EPHA3: variants seen among roughly 807,000 people sequenced by gnomAD.
EPHA3 encodes the protein EPH receptor A3, also known as ephrin type-A receptor 3.
Under a neutral mutation model 107.1 loss-of-function variants are expected in EPHA3, and 42 were observed. That is an observed-to-expected ratio of 0.39 (90% CI 0.31 to 0.51). The LOEUF is 0.51. Among genes scored for constraint, EPHA3 ranks in the 20% least tolerant of loss-of-function variants. The pLI is 0.78. For synonymous variants in EPHA3, 461 were observed against 424.8 expected, an observed-to-expected ratio of 1.09 and a Z score of -1.05; for missense variants, 1,183 against 1,211.2, an observed-to-expected ratio of 0.98 and a Z score of 0.35.
intron 13 of EPHA3, among the ~76,000 whole-genome samples, chr3:89,433,253 G>A (rs1709603690): frequency 6.6e-6 from 1 of 151,890 alleles, no homozygotes; most frequent in Non-Finnish European, 1.5e-5. Flanking sequence ...TTCCAAAGAT[G>A]GTAGTCTTCT....
intron 2 of EPHA3, among the ~76,000 whole-genome samples, chr3:89,191,957 C>A (rs1705725814): frequency 2.0e-5 from 3 of 152,148 alleles, no homozygotes. Flanking sequence ...GTAAAGTAGT[C>A]ATAAAATGGT....
chr3:89,374,432 T>C (rs2107475471), intron 5 of EPHA3, among the ~76,000 whole-genome samples: 1 of 147,332 alleles, frequency 6.8e-6, no homozygotes, highest in South Asian at 2.1e-4. Flanking sequence ...CCACCATCTC[T>C]CCACAGTCCT....
chr3:89,110,287 T>C (rs1483769706), intron 1 of EPHA3, among the ~76,000 whole-genome samples: 1 of 151,992 alleles, frequency 6.6e-6, no homozygotes, highest in East Asian at 1.9e-4. Flanking sequence ...AAGTTAGGCA[T>C]TTGAGAACCA....
At chr3:89,421,437 T>A (rs1228174808) in intron 11 of EPHA3, among the ~76,000 whole-genome samples, 1 of 151,308 alleles carries the variant, frequency 6.6e-6, no homozygotes, top group Non-Finnish European at 1.5e-5. Context: ...TGAATACACT[T>A]TTCAAAGGAG....
At chr3:89,171,618 C>A (rs959804118) in intron 2 of EPHA3, among the ~76,000 whole-genome samples, 2 of 152,160 alleles carry the variant, frequency 1.3e-5, no homozygotes, top group Admixed American at 1.3e-4. Flanking sequence ...CAGGATTGCA[C>A]ACTCTTTTCT....
intron 3 of EPHA3, among the ~76,000 whole-genome samples, chr3:89,311,083 G>A (rs753113803): frequency 6.6e-6 from 1 of 151,962 alleles, no homozygotes; most frequent in East Asian, 1.9e-4. Flanking sequence ...ATGCTGGAGC[G>A]ATACCTGGCA....
intron 2 of EPHA3, among the ~76,000 whole-genome samples, chr3:89,139,702 A>G (rs1704387311): frequency 6.6e-6 from 1 of 151,694 alleles, no homozygotes; most frequent in African/African-American, 2.4e-5. Context: ...CTCTAATTAG[A>G]TAGACAAGCA....
chr3:89,472,514 G>T lies in EPHA3; in HGVS notation c.2741G>T (p.Arg914Leu), dbSNP rs17801309. The T allele has an allele frequency of 1.9e-6, 3 of 1,613,694 alleles. No homozygotes were observed. The highest frequency in any genetic ancestry group is 1.3e-5 in the African/African-American group (1 of 74,806). The change falls in exon 16 of 17, where the codon CGC becomes CTC. Residue 914 changes from arginine (R) to leucine (L), a missense_variant. Transcript: ENST00000336596. ...AGCAATGTGGATATCACTACCTTCC[G>T]CACAACAGGTGACTGGCTTAATGGT... ...DQSNVDITTF[R>L]TTGDWLNGVW... is the part of the protein sequence containing the mutation.
intron 16 of EPHA3, among the ~76,000 whole-genome samples, chr3:89,476,771 C>T (rs574589846): frequency 6.6e-6 from 1 of 151,614 alleles, no homozygotes; most frequent in Non-Finnish European, 1.5e-5. Flanking sequence ...CCACGCCCCG[C>T]TAATTTTTTT....
At chr3:89,359,072 TTAAA>T (rs1381039246) in intron 5 of EPHA3, among the ~76,000 whole-genome samples, 1 of 151,190 alleles carries the variant, frequency 6.6e-6, no homozygotes, top group African/African-American at 2.4e-5. Flanking sequence ...AATATTCTAG[TTAAA>T]TAGACAGTTA....
At chr3:89,184,247 A>AT (rs1005933446) in intron 2 of EPHA3, among the ~76,000 whole-genome samples, 15 of 151,998 alleles carry the variant, frequency 9.9e-5, no homozygotes, top group African/African-American at 3.6e-4. Flanking sequence ...ACACAAGGAT[A>AT]TGTGTGTAGA....
intron 11 of EPHA3, among the ~76,000 whole-genome samples, chr3:89,421,494 AT>A (rs1222435105): frequency 1.3e-5 from 2 of 151,290 alleles, no homozygotes; most frequent in South Asian, 2.1e-4. Flanking sequence ...ATGAAAAAAA[AT>A]GATTACTTTT....
chr3:89,418,869 G>A lies in EPHA3; in HGVS notation c.1889-336G>A, dbSNP rs1709300779. Among the ~76,000 whole-genome samples, 3 of 151,354 alleles carry A rather than the reference G, an allele frequency of 2.0e-5. No individual in the cohort carries two copies. The Admixed American group carries it at 2.0e-4, about 10-fold the overall frequency. On this transcript the variant is annotated intron_variant, in intron 10 of 16. Coordinates refer to ENST00000336596, the MANE Select transcript of EPHA3 (RefSeq NM_005233.6). Reference sequence around the variant, plus strand: ...GGTGCTGTCCTGTTAATTTCTCTGAGGTAATGGTAGCTATGACAACAAGGG... The same window carrying A: ...GGTGCTGTCCTGTTAATTTCTCTGAAGTAATGGTAGCTATGACAACAAGGG...
intron 3 of EPHA3, among the ~76,000 whole-genome samples, chr3:89,233,817 T>C (rs538335756): frequency 6.6e-6 from 1 of 152,342 alleles, no homozygotes; most frequent in South Asian, 2.1e-4. Flanking sequence ...TATGTGATAC[T>C]TTTGTAGGTC....
chr3:89,432,648 C>G (rs1470623569), intron 13 of EPHA3, among the ~76,000 whole-genome samples: 1 of 152,028 alleles, frequency 6.6e-6, no homozygotes, highest in African/African-American at 2.4e-5. Flanking sequence ...AAGTAAATGT[C>G]TAATAATCAT....
intron 2 of EPHA3, among the ~76,000 whole-genome samples, chr3:89,152,889 A>G (rs1350514581): frequency 1.3e-5 from 2 of 152,084 alleles, no homozygotes; most frequent in Non-Finnish European, 2.9e-5. Context: ...AGTTTGGTAA[A>G]TTTAGAAAAA....
chr3:89,143,182 A>G (rs1217528509), intron 2 of EPHA3, among the ~76,000 whole-genome samples: 10 of 151,582 alleles, frequency 6.6e-5, no homozygotes, highest in African/African-American at 2.4e-4. Flanking sequence ...ATTGTTTTTA[A>G]TGAGACTAGA....
intron 3 of EPHA3, among the ~76,000 whole-genome samples, chr3:89,269,129 T>A (rs1227065965): frequency 6.6e-6 from 1 of 152,166 alleles, no homozygotes; most frequent in African/African-American, 2.4e-5. Context: ...AAGCATTTAA[T>A]GTATATCATG....
intron 5 of EPHA3, among the ~76,000 whole-genome samples, chr3:89,371,125 G>T (rs1404811614): frequency 6.7e-6 from 1 of 150,312 alleles, no homozygotes; most frequent in African/African-American, 2.5e-5. Flanking sequence ...TTATAGATTT[G>T]TGTTTAAAAA....
Sources: allele counts gnomAD v4.1 joint callset (sites outside exome capture counted in the v4.1 genomes callset), GRCh38; gene constraint gnomAD v4.1.1; transcripts MANE v1.5; gene names NCBI Gene and HGNC (gene_info 2026-07-23, HGNC 2026-07-21).